Variants in CRB1 observed in about 807,000 individuals in gnomAD.
CRB1 encodes the protein crumbs cell polarity complex component 1, also known as protein crumbs homolog 1.
Under a neutral mutation model 120.0 loss-of-function variants are expected in CRB1, and 83 were observed. The observed-to-expected ratio is 0.69, with a 90% CI of 0.58 to 0.83. The LOEUF is 0.83. CRB1 is among the 40% of genes least tolerant of loss of function. The probability of loss-of-function intolerance (pLI) is 0.00; values close to 1 mark genes in which losing one functional copy is unlikely to be tolerated. For synonymous variants in CRB1, 625 were observed against 612.5 expected (o/e 1.02, Z -0.30); for missense variants, 1,699 against 1,687.6 (o/e 1.01, Z -0.12).
rs147267857 is a variant in CRB1 at position 197,354,271 on chromosome 1, C to G, written c.989-2560C>G. The stretch of plus-strand genomic sequence containing the variant: ...AAAAATGTACATTACTTATGACCCA[C>G]AAATTCCATCTCTAGGCATAAACTG... On this transcript the variant is annotated intron_variant, in intron 4 of 11. Transcript: ENST00000367400. 3.1e-3 allele frequency among the ~76,000 whole-genome samples: 473 copies of G among 152,296 alleles called. 11 individuals carry two copies. The South Asian group carries it at 0.041, about 13-fold the overall frequency.
chr1:197,370,240 GAA>G (rs56150133), intron 5 of CRB1, among the ~76,000 whole-genome samples: 5 of 151,392 alleles, frequency 3.3e-5, no homozygotes, highest in Non-Finnish European at 7.4e-5. Context: ...ATAACACAAT[GAA>G]AAAAAACCGC....
chr1:197,202,616 A>G, the CRB1 span, among the ~76,000 whole-genome samples: 1 of 152,216 alleles, frequency 6.6e-6, no homozygotes, highest in Non-Finnish European at 1.5e-5. Flanking sequence ...TTATTAAAAC[A>G]GAAGGGCTGA....
At chr1:197,372,772 C>T (rs372952748) in intron 5 of CRB1, among the ~76,000 whole-genome samples, 72 of 151,824 alleles carry the variant, frequency 4.7e-4, no homozygotes, top group African/African-American at 1.4e-3. Flanking sequence ...TCTTTGTACG[C>T]ATACAAGGCT....
chr1:197,363,063 G>A (rs1391298727), intron 5 of CRB1, among the ~76,000 whole-genome samples: 1 of 150,728 alleles, frequency 6.6e-6, no homozygotes, highest in East Asian at 1.9e-4. Flanking sequence ...CTCTGGGTAT[G>A]ACTGATCACA....
intron 11 of CRB1, among the ~76,000 whole-genome samples, chr1:197,474,214 T>C (rs1328255340): frequency 6.6e-6 from 1 of 152,330 alleles, no homozygotes; most frequent in East Asian, 1.9e-4. Context: ...TTTTATTTGG[T>C]CCCATCCTTT....
chr1:197,254,489 G>A, the CRB1 span, among the ~76,000 whole-genome samples: 1 of 151,922 alleles, frequency 6.6e-6, no homozygotes, highest in African/African-American at 2.4e-5. Context: ...AACAGAATAT[G>A]TTTTTTTCAT....
chr1:197,460,781 G>C (rs150743799), intron 11 of CRB1, among the ~76,000 whole-genome samples: 33 of 152,176 alleles, frequency 2.2e-4, no homozygotes, highest in Middle Eastern at 3.4e-3. Context: ...TGTCCTACCA[G>C]AAAATTCTAG....
At chr1:197,268,214 A>G (rs1654705488), upstream of CRB1, 1 of 558,586 alleles carries the variant, frequency 1.8e-6, no homozygotes, top group Non-Finnish European at 3.2e-6. Context: ...CCTCCCGTGT[A>G]AGTGATGCTA....
chr1:197,477,355 G>A (rs537001899), intron 11 of CRB1, among the ~76,000 whole-genome samples: 1 of 152,264 alleles, frequency 6.6e-6, no homozygotes, highest in South Asian at 2.1e-4. Flanking sequence ...AAATATAAGT[G>A]TGGGCTCATC....
intron 4 of CRB1, among the ~76,000 whole-genome samples, chr1:197,354,606 G>A (rs986466500): frequency 3.3e-4 from 50 of 152,200 alleles, no homozygotes; most frequent in African/African-American, 1.2e-3. Context: ...CCTCCTGGAG[G>A]GTTCGTGGTC....
At chr1:197,451,480 T>G (rs144855814) in intron 11 of CRB1, among the ~76,000 whole-genome samples, 1 of 152,290 alleles carries the variant, frequency 6.6e-6, no homozygotes, top group African/African-American at 2.4e-5. Context: ...AGTAAAGAAA[T>G]GTTTGAGAAT....
chr1:197,394,316 A>T (rs1355503075), intron 5 of CRB1, among the ~76,000 whole-genome samples: 2 of 152,134 alleles, frequency 1.3e-5, no homozygotes, highest in Non-Finnish European at 2.9e-5. Context: ...TTATTTTGAT[A>T]ATATAGTGTA....
At chr1:197,228,987 C>G in the CRB1 span, among the ~76,000 whole-genome samples, 7 of 152,144 alleles carry the variant, frequency 4.6e-5, no homozygotes, top group African/African-American at 1.7e-4. Context: ...GAAATTGCCC[C>G]CTTGATTCAA....
At chr1:197,418,610 T>A (rs1187956493) in intron 5 of CRB1, among the ~76,000 whole-genome samples, 1 of 152,194 alleles carries the variant, frequency 6.6e-6, no homozygotes, top group Non-Finnish European at 1.5e-5. Flanking sequence ...TGGCAGTACA[T>A]CGTCAGATTA....
intron 1 of CRB1, among the ~76,000 whole-genome samples, chr1:197,295,053 A>G (rs1371180923): frequency 6.6e-6 from 1 of 152,136 alleles, no homozygotes; most frequent in Non-Finnish European, 1.5e-5. Context: ...CTTAGAGTAT[A>G]ATAATAAAAG....
intron 5 of CRB1, among the ~76,000 whole-genome samples, chr1:197,374,221 G>T (rs1486048738): frequency 6.6e-6 from 1 of 152,140 alleles, no homozygotes; most frequent in Non-Finnish European, 1.5e-5. Flanking sequence ...GATTCTAGTT[G>T]TTCTCATTAG....
intron 5 of CRB1, among the ~76,000 whole-genome samples, chr1:197,402,174 T>C (rs1296165650): frequency 5.9e-5 from 9 of 152,106 alleles, no homozygotes; most frequent in Non-Finnish European, 1.2e-4. Flanking sequence ...TCAATAGTTA[T>C]TTAGTTATTT....
At chr1:197,229,442 T>A in the CRB1 span, among the ~76,000 whole-genome samples, 4 of 151,934 alleles carry the variant, frequency 2.6e-5, no homozygotes, top group African/African-American at 9.7e-5. Flanking sequence ...CCAATCTTAA[T>A]TAATTATTTA....
At chr1:197,411,919 C>A (rs1002241021) in intron 5 of CRB1, among the ~76,000 whole-genome samples, 2 of 152,282 alleles carry the variant, frequency 1.3e-5, no homozygotes, top group Middle Eastern at 6.8e-3. Context: ...CCTCTCCCTC[C>A]TCCAAGCCCT....
Sources: gnomAD v4.1 joint callset for allele counts (sites outside exome capture counted in the v4.1 genomes callset) on GRCh38, gnomAD v4.1.1 for gene constraint, MANE v1.5 for transcripts, NCBI Gene and HGNC (gene_info 2026-07-23, HGNC 2026-07-21) for gene names.